CLIC2: variants seen among roughly 807,000 people sequenced by gnomAD.
CLIC2 encodes the protein CLIC family member 2.
A neutral mutation model predicts 14.8 loss-of-function variants in CLIC2; 9 were observed. The ratio of observed to expected loss-of-function variants is 0.61; its 90% CI spans 0.37 to 1.06. CLIC2 has a LOEUF of 1.06. Among genes scored for constraint, CLIC2 ranks in the 50% least tolerant of loss-of-function variants. CLIC2 has a pLI of 0.01. For synonymous variants in CLIC2, 61 were observed against 66.3 expected (o/e 0.92, Z 0.39); for missense variants, 148 against 181.4 (o/e 0.82, Z 1.06).
In CLIC2 at chrX:155,317,675, G is replaced by C. The variant is rs781938376; in HGVS notation, c.57+16696C>G. ...CCAATCCTATTGACACTATTCCATT[G>C]GATAAAAAGGAAATTATCTCTAAAT... On this transcript the variant is annotated intron_variant, in intron 1 of 5. Transcript: ENST00000369449. Among the ~76,000 whole-genome samples the C allele has an allele frequency of 1.2e-4, 13 of 111,530 alleles. No individual in the cohort carries two copies. In the East Asian group the frequency reaches 3.4e-3, roughly 29 times the overall value.
At chrX:155,309,119 T>TA (rs782346318) in intron 1 of CLIC2, among the ~76,000 whole-genome samples, 6 of 109,860 alleles carry the variant, frequency 5.5e-5, no homozygotes, top group Non-Finnish European at 1.1e-4. Context: ...AAGATACAAG[T>TA]AAAAAAAACC....
intron 1 of CLIC2, among the ~76,000 whole-genome samples, chrX:155,319,478 CA>C (rs1272286515): frequency 8.9e-6 from 1 of 112,059 alleles, no homozygotes; most frequent in Admixed American, 9.5e-5. Flanking sequence ...CTCCCCTAAC[CA>C]AGGGAAGCCT....
In CLIC2 at chrX:155,316,209, A is replaced by G. The variant is rs782447180; in HGVS notation, c.58-17064T>C. Among the ~76,000 whole-genome samples the G allele has an allele frequency of 2.0e-3, 221 of 111,809 alleles. 1 individual carries two copies. The highest frequency in any genetic ancestry group is 2.4e-3 in the Non-Finnish European group (128 of 53,098). On this transcript the variant is annotated intron_variant, in intron 1 of 5. Transcript: ENST00000369449. ...ACTGACAGCACTAGACAGGTCATCA[A>G]AAAAGAAAGTCAACAAATAAACCAT...
intron 5 of CLIC2, 180 bp downstream of exon 5, chrX:155,278,969 C>T (rs1709514752): frequency 2.1e-6 from 1 of 471,652 alleles, no homozygotes; most frequent in African/African-American, 2.4e-5. Context: ...TTTAATACTT[C>T]CCAGAAGAGA....
chrX:155,304,097 C>T (rs1557319591), intron 1 of CLIC2, among the ~76,000 whole-genome samples: 1 of 106,850 alleles, frequency 9.4e-6, no homozygotes, highest in African/African-American at 3.4e-5. Flanking sequence ...TTGTGGCGTT[C>T]TCTGTATTTC....
intron 2 of CLIC2, 34 bp from the exon 3 acceptor site, chrX:155,298,944 C>G: frequency 8.4e-7 from 1 of 1,195,469 alleles, no homozygotes; most frequent in Non-Finnish European, 1.1e-6. Flanking sequence ...AGTTAGGTCT[C>G]TAGATAAAGT....
In CLIC2 at chrX:155,277,646, G is replaced by A. The variant is rs190613875; in HGVS notation, c.*257C>T. 2.6e-3 allele frequency: 837 copies of A among 322,975 alleles called. 4 individuals are homozygous for A. The highest frequency in any genetic ancestry group is 0.019 in the African/African-American group (721 of 37,614). The allele number at this position is 322,975 out of a possible 1,213,427, so 26.6% of individuals were successfully genotyped here. ...CCAGGAATTCAAGCAAAGGGCAAAA[G>A]ATTGTGATGCTTTCCATGTCATTCA... On this transcript the variant is annotated 3_prime_UTR_variant, in exon 6 of 6. Coordinates refer to ENST00000369449, the MANE Select transcript of CLIC2 (RefSeq NM_001289.6).
At chrX:155,290,408 T>C in intron 3 of CLIC2, 1 of 480,180 alleles carries the variant, frequency 2.1e-6, no homozygotes, top group Non-Finnish European at 3.7e-6. Flanking sequence ...CTTCGAATTC[T>C]TCTTTTTCCT....
At chrX:155,292,197 T>G in intron 3 of CLIC2, 1 of 568,034 alleles carries the variant, frequency 1.8e-6, no homozygotes, top group East Asian at 3.3e-5. Flanking sequence ...AGTTAATATT[T>G]GGGTGTGACC....
At chrX:155,286,290 T>C (rs782584774) in intron 3 of CLIC2, among the ~76,000 whole-genome samples, 1 of 112,362 alleles carries the variant, frequency 8.9e-6, no homozygotes, top group Non-Finnish European at 1.9e-5. Context: ...TCCATCCATG[T>C]TCCTGCAAAA....
Position 155,323,146 on chromosome X carries a change from T to C in CLIC2, c.57+11225A>G, listed in dbSNP as rs782141984. Among the ~76,000 whole-genome samples the C allele has an allele frequency of 1.8e-4, 20 of 111,263 alleles. No homozygotes were observed. In the South Asian group the frequency reaches 3.4e-3, roughly 19 times the overall value. ...TTCCTTCTGAAACTATTCCAAACAA[T>C]AGAAAAAGAGGGACTCCTCCCTAAC... is the stretch of plus-strand genomic sequence containing the variant. On this transcript the variant is annotated intron_variant, in intron 1 of 5. Coordinates refer to ENST00000369449, the MANE Select transcript of CLIC2 (RefSeq NM_001289.6).
At chrX:155,284,415 A>G (rs1382538090) in intron 3 of CLIC2, among the ~76,000 whole-genome samples, 1 of 108,836 alleles carries the variant, frequency 9.2e-6, no homozygotes, top group Non-Finnish European at 1.9e-5. Flanking sequence ...ATGCACCACC[A>G]CGCCTGGCTA....
At chrX:155,295,893 C>T (rs2074990368) in intron 3 of CLIC2, among the ~76,000 whole-genome samples, 1 of 111,608 alleles carries the variant, frequency 9.0e-6, no homozygotes, top group Non-Finnish European at 1.9e-5. Context: ...GAAAACATCT[C>T]ATGCTCATGG....
chrX:155,294,411 G>A (rs1316809844), intron 3 of CLIC2, among the ~76,000 whole-genome samples: 1 of 111,790 alleles, frequency 8.9e-6, no homozygotes, highest in South Asian at 3.7e-4. Flanking sequence ...GCAGCACTAA[G>A]AGGCAAGCTT....
intron 1 of CLIC2, among the ~76,000 whole-genome samples, chrX:155,304,598 A>C (rs782447159): frequency 7.1e-5 from 7 of 98,239 alleles, no homozygotes; most frequent in African/African-American, 2.5e-4. Context: ...GTCATTCTCC[A>C]TCCAGCTTTG....
At chrX:155,324,961 G>GACA (rs1557322162) in intron 1 of CLIC2, among the ~76,000 whole-genome samples, 11 of 106,999 alleles carry the variant, frequency 1.0e-4, no homozygotes, top group Non-Finnish European at 1.6e-4. Context: ...AAGGATATGA[G>GACA]CGTCTCAAAA....
At chrX:155,329,685 G>C (rs1569561407) in intron 1 of CLIC2, among the ~76,000 whole-genome samples, 1 of 109,361 alleles carries the variant, frequency 9.1e-6, no homozygotes, top group Non-Finnish European at 1.9e-5. Flanking sequence ...CCCACTGCTA[G>C]GTATCTACCC....
At chrX:155,306,114 G>C (rs1290243476) in intron 1 of CLIC2, among the ~76,000 whole-genome samples, 1 of 111,624 alleles carries the variant, frequency 9.0e-6, no homozygotes, top group African/African-American at 3.3e-5. Flanking sequence ...GATATGGTTT[G>C]GATATTTGTC....
intron 3 of CLIC2, chrX:155,290,314 A>G (rs1412158935): frequency 6.7e-6 from 2 of 298,276 alleles, no homozygotes; most frequent in African/African-American, 5.3e-5. Context: ...TGAAAGCTGG[A>G]CTTTTAAAAA....
Sources: allele counts gnomAD v4.1 joint callset (sites outside exome capture counted in the v4.1 genomes callset), GRCh38; gene constraint gnomAD v4.1.1; transcripts MANE v1.5; gene names NCBI Gene and HGNC (gene_info 2026-07-23, HGNC 2026-07-21).